Variants in GRID2 observed in about 807,000 individuals in gnomAD.
GRID2 encodes the protein glutamate receptor ionotropic, delta-2.
GRID2 carries 33 observed loss-of-function variants against 114.8 expected under a neutral mutation model. The ratio of observed to expected loss-of-function variants is 0.29; its 90% CI spans 0.22 to 0.38. The LOEUF (loss-of-function observed/expected upper bound fraction) is 0.38. GRID2 is among the 10% of genes least tolerant of loss of function. GRID2 has a pLI of 1.00. For synonymous variants in GRID2, 505 were observed against 449.9 expected, an observed-to-expected ratio of 1.12 and a Z score of -1.55; for missense variants, 1,184 against 1,257.7, an observed-to-expected ratio of 0.94 and a Z score of 0.89.
chr4:93,064,858 C>T (rs1264549546), intron 2 of GRID2, among the ~76,000 whole-genome samples: 4 of 151,764 alleles, frequency 2.6e-5, no homozygotes, highest in Non-Finnish European at 5.9e-5. Context: ...GTCTAATCAT[C>T]CTTGTCTTAA....
Position 92,644,220 on chromosome 4 carries a change from G to A in GRID2, c.244+53934G>A, listed in dbSNP as rs77139456. On this transcript the variant is annotated intron_variant, in intron 2 of 15. Transcript: ENST00000282020. ...TAAGTATTGTAGCCATGATGTAAAT[G>A]GATACAACATAAAATTAAGGAAATT... Among the ~76,000 whole-genome samples, 1,040 of 151,592 alleles carry A rather than the reference G, an allele frequency of 6.9e-3. 15 individuals are homozygous for A. The highest frequency in any genetic ancestry group is 0.066 in the East Asian group (340 of 5,130).
At chr4:92,444,632 G>C (rs1387651948) in intron 1 of GRID2, among the ~76,000 whole-genome samples, 1 of 152,138 alleles carries the variant, frequency 6.6e-6, no homozygotes, top group African/African-American at 2.4e-5. Context: ...GCAATGGCTT[G>C]GCTTGGGCTC....
intron 2 of GRID2, among the ~76,000 whole-genome samples, chr4:92,881,691 G>C (rs1465564734): frequency 2.8e-4 from 43 of 152,236 alleles, no homozygotes; most frequent in Non-Finnish European, 2.9e-5. Flanking sequence ...TTATTAGGTA[G>C]AAAACATTAC....
intron 1 of GRID2, among the ~76,000 whole-genome samples, chr4:92,502,685 G>T (rs1482354697): frequency 7.2e-6 from 1 of 138,012 alleles, no homozygotes. Flanking sequence ...TAAAAGCAAT[G>T]AACTAATGCC....
chr4:93,042,275 TTCTCTCTC>T (rs533042666), intron 2 of GRID2, among the ~76,000 whole-genome samples: 15 of 125,616 alleles, frequency 1.2e-4, no homozygotes, highest in East Asian at 4.8e-4. Context: ...CTCTCTCTCT[TTCTCTCTC>T]TCTCTCTCTC....
At chr4:93,084,945 A>T in intron 2 of GRID2, 50 bp from the exon 3 acceptor site, 1 of 1,482,960 alleles carries the variant, frequency 6.7e-7, no homozygotes, top group Non-Finnish European at 9.3e-7. Context: ...AAAAAGGGAA[A>T]ACTATGTGAA....
chr4:93,273,408 C>A (rs932739630), intron 8 of GRID2, among the ~76,000 whole-genome samples: 1 of 152,016 alleles, frequency 6.6e-6, no homozygotes, highest in Non-Finnish European at 1.5e-5. Flanking sequence ...AGAATACCCT[C>A]CCCTCATTTT....
At chr4:92,564,565 GA>G (rs1398560802) in intron 1 of GRID2, among the ~76,000 whole-genome samples, 2 of 151,908 alleles carry the variant, frequency 1.3e-5, no homozygotes, top group Non-Finnish European at 2.9e-5. Context: ...TTAGAGAGTA[GA>G]AGGGTTTCTA....
intron 1 of GRID2, among the ~76,000 whole-genome samples, chr4:92,466,513 C>G (rs940940929): frequency 6.6e-6 from 1 of 151,448 alleles, no homozygotes; most frequent in Non-Finnish European, 1.5e-5. Context: ...TCTCATGTAC[C>G]CCATACATAC....
At chr4:93,280,419 G>A (rs931099815) in intron 8 of GRID2, among the ~76,000 whole-genome samples, 2 of 151,928 alleles carry the variant, frequency 1.3e-5, no homozygotes, top group Non-Finnish European at 2.9e-5. Flanking sequence ...GGCTTCTGTT[G>A]AATTATGAAA....
chr4:93,550,821 A>G (rs1408497121), intron 13 of GRID2, among the ~76,000 whole-genome samples: 2 of 152,248 alleles, frequency 1.3e-5, no homozygotes, highest in Admixed American at 6.5e-5. Flanking sequence ...CATACTTATT[A>G]TATGCCCTAA....
intron 1 of GRID2, among the ~76,000 whole-genome samples, chr4:92,359,320 A>G (rs1357743951): frequency 6.6e-6 from 1 of 151,960 alleles, no homozygotes; most frequent in Non-Finnish European, 1.5e-5. Context: ...AACTTTATAA[A>G]GTAATAGCAT....
At chr4:92,361,561 T>C (rs1255618093) in intron 1 of GRID2, among the ~76,000 whole-genome samples, 1 of 152,016 alleles carries the variant, frequency 6.6e-6, no homozygotes, top group African/African-American at 2.4e-5. Context: ...GAAGGTGCCA[T>C]CTGGCATGGT....
At chr4:92,623,335 T>A (rs1295452561) in intron 2 of GRID2, among the ~76,000 whole-genome samples, 1 of 150,764 alleles carries the variant, frequency 6.6e-6, no homozygotes, top group Non-Finnish European at 1.5e-5. Flanking sequence ...ATCCTCAGTG[T>A]AACCCTGCGA....
intron 2 of GRID2, among the ~76,000 whole-genome samples, chr4:92,918,586 C>T (rs1249067722): frequency 6.6e-6 from 1 of 151,950 alleles, no homozygotes; most frequent in Non-Finnish European, 1.5e-5. Flanking sequence ...TGTCAAAGGC[C>T]TTTCTGCATC....
At chr4:93,652,464 C>A (rs1249921804) in intron 14 of GRID2, among the ~76,000 whole-genome samples, 1 of 152,058 alleles carries the variant, frequency 6.6e-6, no homozygotes, top group African/African-American at 2.4e-5. Context: ...TTTAGACACA[C>A]AAATACCTAT....
intron 13 of GRID2, among the ~76,000 whole-genome samples, chr4:93,619,086 T>C (rs928374191): frequency 6.6e-6 from 1 of 152,230 alleles, no homozygotes; most frequent in Non-Finnish European, 1.5e-5. Flanking sequence ...CATTCATATA[T>C]TCTTTTTGAA....
intron 1 of GRID2, among the ~76,000 whole-genome samples, chr4:92,520,417 T>G (rs1724711316): frequency 6.6e-6 from 1 of 152,012 alleles, no homozygotes; most frequent in South Asian, 2.1e-4. Context: ...CAGTCCTCAT[T>G]TTTGTAACTG....
At chr4:92,561,371 C>T (rs570923506) in intron 1 of GRID2, among the ~76,000 whole-genome samples, 1 of 152,284 alleles carries the variant, frequency 6.6e-6, no homozygotes, top group Admixed American at 6.5e-5. Context: ...ACCTTACTTC[C>T]ATGGCTTAAT....
Sources: gnomAD v4.1 joint callset for allele counts (sites outside exome capture counted in the v4.1 genomes callset) on GRCh38, gnomAD v4.1.1 for gene constraint, MANE v1.5 for transcripts, NCBI Gene and HGNC (gene_info 2026-07-23, HGNC 2026-07-21) for gene names.